The following THSD7B variants were observed in gnomAD, a reference collection of about 807,000 sequenced individuals.
THSD7B encodes the protein thrombospondin type 1 domain containing 7B, also known as thrombospondin type-1 domain-containing protein 7B.
Under a neutral mutation model 213.6 loss-of-function variants are expected in THSD7B, and 138 were observed. The ratio of observed to expected loss-of-function variants is 0.65; its 90% CI spans 0.56 to 0.74. The LOEUF is 0.74. Among genes scored for constraint, THSD7B ranks in the 30% least tolerant of loss-of-function variants. The probability of loss-of-function intolerance (pLI) is 0.00; values close to 1 mark genes in which losing one functional copy is unlikely to be tolerated. For synonymous variants in THSD7B, 742 were observed against 687.0 expected, an observed-to-expected ratio of 1.08 and a Z score of -1.25; for missense variants, 1,931 against 1,991.5, an observed-to-expected ratio of 0.97 and a Z score of 0.58.
Position 137,051,301 on chromosome 2 carries a change from T to C in THSD7B, c.140-5119T>C, listed in dbSNP as rs140494248. ...AGAATCTAATACACTACTCGTCAAG[T>C]AACAGAGAATGAATAATTGTTGTTA... is the stretch of plus-strand genomic sequence containing the variant. On this transcript the variant is annotated intron_variant, in intron 2 of 27. Coordinates refer to ENST00000409968, the MANE Select transcript of THSD7B (RefSeq NM_001316349.2). 2.5e-3 allele frequency among the ~76,000 whole-genome samples: 379 copies of C among 152,346 alleles called. 4 individuals are homozygous for C. Among genetic ancestry groups the C allele is most frequent in the African/African-American group, 8.3e-3 (347 of 41,580 alleles).
rs368565100 is a variant in THSD7B at position 137,153,270 on chromosome 2, C to T, written c.1370-6943C>T. Among the ~76,000 whole-genome samples, 105 of 152,122 alleles carry T rather than the reference C, an allele frequency of 6.9e-4. 3 individuals are homozygous for T. In the East Asian group the frequency reaches 0.018, roughly 26 times the overall value. ...TCTATCTTTGCCTATAGTGCTGTTA[C>T]TCTTTATCATTAGGAAAATCACTAG... On this transcript the variant is annotated intron_variant, in intron 5 of 27. Coordinates refer to ENST00000409968, the MANE Select transcript of THSD7B (RefSeq NM_001316349.2).
chr2:137,521,975 G>T (rs1346693456), intron 15 of THSD7B, among the ~76,000 whole-genome samples: 2 of 152,150 alleles, frequency 1.3e-5, no homozygotes, highest in Admixed American at 6.5e-5. Flanking sequence ...CCTTGTAGGG[G>T]TATCACAAAG....
intron 7 of THSD7B, among the ~76,000 whole-genome samples, chr2:137,205,782 T>C (rs12992311): frequency 0.33 from 50,835 of 151,878 alleles, 9,351 homozygotes; most frequent in East Asian, 0.49. Flanking sequence ...CATGTGAGTC[T>C]TAAATCCCAT....
chr2:137,515,598 G>A (rs1268441112), intron 15 of THSD7B, among the ~76,000 whole-genome samples: 1 of 152,170 alleles, frequency 6.6e-6, no homozygotes, highest in African/African-American at 2.4e-5. Flanking sequence ...GATATTAAGG[G>A]TGTGGAATGA....
chr2:137,616,153 T>C, intron 17 of THSD7B, 22 bp from the exon 18 acceptor site: 1 of 1,606,088 alleles, frequency 6.2e-7, no homozygotes, highest in Non-Finnish European at 8.5e-7. Context: ...ACAGTCAACT[T>C]TTCCTACTCT....
intron 15 of THSD7B, among the ~76,000 whole-genome samples, chr2:137,509,607 T>C (rs558668936): frequency 6.6e-6 from 1 of 152,332 alleles, no homozygotes; most frequent in South Asian, 2.1e-4. Context: ...TGAGAATATT[T>C]AGACTAGCTA....
At chr2:136,841,196 C>G (rs1185038270) in intron 1 of THSD7B, among the ~76,000 whole-genome samples, 1 of 152,136 alleles carries the variant, frequency 6.6e-6, no homozygotes, top group Non-Finnish European at 1.5e-5. Flanking sequence ...AGAACTAAGA[C>G]TTGAACCCAT....
intron 10 of THSD7B, among the ~76,000 whole-genome samples, chr2:137,260,554 G>A (rs1386885017): frequency 2.0e-5 from 3 of 152,202 alleles, no homozygotes; most frequent in East Asian, 1.9e-4. Flanking sequence ...CTTGAGCCCC[G>A]GAGTTGGAGA....
At chr2:137,434,749 C>T (rs368609528) in intron 14 of THSD7B, among the ~76,000 whole-genome samples, 4 of 152,172 alleles carry the variant, frequency 2.6e-5, no homozygotes, top group Non-Finnish European at 5.9e-5. Flanking sequence ...TCAATTTCTA[C>T]GGTTATTTTC....
chr2:137,498,717 G>A (rs1679631925), intron 15 of THSD7B, among the ~76,000 whole-genome samples: 1 of 152,124 alleles, frequency 6.6e-6, no homozygotes, highest in South Asian at 2.1e-4. Context: ...AAAGGGAGAA[G>A]GGGTAGGAAT....
At chr2:137,413,143 T>C (rs79786016) in intron 14 of THSD7B, among the ~76,000 whole-genome samples, 7,510 of 152,286 alleles carry the variant, frequency 0.049, 267 homozygotes, top group Non-Finnish European at 0.08. Flanking sequence ...AAATTAATAC[T>C]CTCATTGCTT....
chr2:136,888,538 T>C (rs1252724274), intron 2 of THSD7B, among the ~76,000 whole-genome samples: 4 of 152,098 alleles, frequency 2.6e-5, no homozygotes, highest in African/African-American at 9.7e-5. Context: ...ATGAAATTTT[T>C]TTCTGGAAAT....
At chr2:137,584,328 A>G (rs1228965251) in intron 17 of THSD7B, among the ~76,000 whole-genome samples, 1 of 152,172 alleles carries the variant, frequency 6.6e-6, no homozygotes, top group East Asian at 1.9e-4. Flanking sequence ...AATACCAGTT[A>G]TTTCTTTCTC....
At chr2:137,478,360 A>T (rs906613758) in intron 15 of THSD7B, among the ~76,000 whole-genome samples, 3 of 152,130 alleles carry the variant, frequency 2.0e-5, no homozygotes, top group Non-Finnish European at 4.4e-5. Context: ...CTGTTGTTGA[A>T]GATTTCAGAT....
chr2:136,841,412 G>A (rs1053629516), intron 1 of THSD7B, among the ~76,000 whole-genome samples: 1 of 151,644 alleles, frequency 6.6e-6, no homozygotes, highest in African/African-American at 2.4e-5. Context: ...TGGCCAACAT[G>A]GTGAAACTCC....
chr2:137,022,546 G>A (rs575403611), intron 2 of THSD7B, among the ~76,000 whole-genome samples: 24 of 147,860 alleles, frequency 1.6e-4, no homozygotes, highest in African/African-American at 4.5e-4. Context: ...AAAAATCTTC[G>A]TTTTTTTTTT....
chr2:137,291,449 A>T (rs1319654898), intron 12 of THSD7B, among the ~76,000 whole-genome samples: 2 of 152,156 alleles, frequency 1.3e-5, no homozygotes, highest in Admixed American at 6.5e-5. Context: ...GTTACTCCAT[A>T]AATGTTTGCT....
At chr2:136,842,731 T>C (rs535704762) in intron 1 of THSD7B, among the ~76,000 whole-genome samples, 7 of 152,344 alleles carry the variant, frequency 4.6e-5, no homozygotes, top group Non-Finnish European at 1.0e-4. Flanking sequence ...TGAAGAATTA[T>C]GGGAATTCAA....
At chr2:136,898,579 G>GCGCC (rs1684006093) in intron 2 of THSD7B, among the ~76,000 whole-genome samples, 1 of 116,684 alleles carries the variant, frequency 8.6e-6, no homozygotes, top group Middle Eastern at 4.3e-3. Flanking sequence ...TTGTCCCCCC[G>GCGCC]CCCCCCCGCC....
Sources: gnomAD v4.1 joint callset for allele counts (sites outside exome capture counted in the v4.1 genomes callset) on GRCh38, gnomAD v4.1.1 for gene constraint, MANE v1.5 for transcripts, NCBI Gene and HGNC (gene_info 2026-07-23, HGNC 2026-07-21) for gene names.